SCAI: variants seen among roughly 807,000 people sequenced by gnomAD.
SCAI encodes the protein protein SCAI.
A neutral mutation model predicts 92.2 loss-of-function variants in SCAI; 24 were observed. The observed-to-expected ratio is 0.26, with a 90% confidence interval of 0.19 to 0.37. SCAI has a LOEUF of 0.37. Among genes scored for constraint, SCAI ranks in the 10% least tolerant of loss-of-function variants. The probability of loss-of-function intolerance (pLI) is 1.00; values close to 1 mark genes in which losing one functional copy is unlikely to be tolerated. For missense variants in SCAI, 450 were observed against 736.2 expected (o/e 0.61, Z 4.50); for synonymous variants, 261 against 258.6 (o/e 1.01, Z -0.09).
intron 2 of SCAI, among the ~76,000 whole-genome samples, chr9:125,073,339 C>G (rs372033788): frequency 6.0e-5 from 9 of 151,154 alleles, no homozygotes; most frequent in Non-Finnish European, 1.2e-4. Context: ...CTCCTGACCT[C>G]GTGATCCACC....
intron 2 of SCAI, among the ~76,000 whole-genome samples, chr9:125,115,372 A>AC (rs1219611615): frequency 6.9e-6 from 1 of 144,704 alleles, no homozygotes; most frequent in Non-Finnish European, 1.5e-5. Context: ...ACTCTCCTCA[A>AC]AAAAAAAAAA....
chr9:125,120,768 G>A (rs1835141703), intron 2 of SCAI, among the ~76,000 whole-genome samples: 2 of 152,114 alleles, frequency 1.3e-5, no homozygotes, highest in South Asian at 4.1e-4. Flanking sequence ...CAGCTACTCA[G>A]GAGGCTAAGG....
intron 2 of SCAI, among the ~76,000 whole-genome samples, chr9:125,107,749 C>T (rs886845303): frequency 3.3e-5 from 5 of 152,188 alleles, no homozygotes; most frequent in African/African-American, 9.7e-5. Flanking sequence ...GCCTCGGCAA[C>T]AGAGCAAGAC....
chr9:125,106,867 ATTTT>A (rs3051151), intron 2 of SCAI, among the ~76,000 whole-genome samples: 8 of 135,716 alleles, frequency 5.9e-5, no homozygotes, highest in African/African-American at 1.6e-4. Flanking sequence ...TGCCTGGTTA[ATTTT>A]TTTTTTTTTT....
At chr9:125,027,758 C>T (rs1832991849) in intron 5 of SCAI, among the ~76,000 whole-genome samples, 1 of 152,180 alleles carries the variant, frequency 6.6e-6, no homozygotes, top group Admixed American at 6.5e-5. Context: ...AGGTGATCCA[C>T]CTGCCTTGGC....
chr9:125,123,468 CTAAGAGTT>C (rs922290112), intron 2 of SCAI, among the ~76,000 whole-genome samples: 5 of 152,048 alleles, frequency 3.3e-5, no homozygotes, highest in Non-Finnish European at 7.4e-5. Flanking sequence ...GGAAATTATC[CTAAGAGTT>C]TAAAAGTCCT....
intron 9 of SCAI, among the ~76,000 whole-genome samples, chr9:125,007,742 T>A (rs1832541728): frequency 6.6e-6 from 1 of 152,054 alleles, no homozygotes; most frequent in Non-Finnish European, 1.5e-5. Flanking sequence ...ACTGCAGCCT[T>A]GACTTCCCGG....
intron 9 of SCAI, among the ~76,000 whole-genome samples, chr9:125,009,223 T>G (rs1832578155): frequency 3.3e-5 from 5 of 152,206 alleles, no homozygotes; most frequent in Admixed American, 3.3e-4. Flanking sequence ...ATATGTAGAA[T>G]AAAATTAAAG....
intron 2 of SCAI, among the ~76,000 whole-genome samples, chr9:125,122,754 A>G (rs1413025685): frequency 1.3e-5 from 2 of 151,950 alleles, no homozygotes; most frequent in African/African-American, 2.4e-5. Context: ...AAAATACAAA[A>G]AATTTTCTGG....
chr9:124,975,148 C>A, intron 15 of SCAI: 3 of 298,766 alleles, frequency 1.0e-5, no homozygotes, highest in Non-Finnish European at 2.0e-5. Flanking sequence ...AGAATTTTAC[C>A]GTTGTTTGAA....
At chr9:125,038,451 G>A (rs925560274) in intron 3 of SCAI, among the ~76,000 whole-genome samples, 7 of 152,130 alleles carry the variant, frequency 4.6e-5, no homozygotes, top group African/African-American at 1.7e-4. Flanking sequence ...CTTTTGAGCT[G>A]CTGTTTCTTG....
chr9:124,953,518 C>T (rs1831265767), intron 17 of SCAI, among the ~76,000 whole-genome samples: 1 of 152,080 alleles, frequency 6.6e-6, no homozygotes, highest in African/African-American at 2.4e-5. Flanking sequence ...CTCAGCTATT[C>T]AGGAGGCTGA....
At chr9:125,095,569 A>G (rs1240000325) in intron 2 of SCAI, among the ~76,000 whole-genome samples, 1 of 152,280 alleles carries the variant, frequency 6.6e-6, no homozygotes, top group Non-Finnish European at 1.5e-5. Flanking sequence ...CATAAGGCCA[A>G]CCATAATAAA....
chr9:125,056,005 G>A lies in SCAI; in HGVS notation c.101C>T (p.Thr34Ile), dbSNP rs1833655831. The A allele has an allele frequency of 9.4e-6, 15 of 1,600,578 alleles. No individual in the cohort carries two copies. In the East Asian group the frequency reaches 3.4e-4, roughly 36 times the overall value. ...EKPPRKRRSR[T>I]EFALKEIMSS... ...CATGATTTCTTTAAGAGCAAATTCA[G>A]TCCTGTAAGAAAACATATGTTCATT... is the stretch of plus-strand genomic sequence containing the variant. Residue 34 changes from threonine to isoleucine, a missense_variant and splice_region_variant, in exon 3 of 18, where the codon ACT becomes ATT. By Grantham distance (89) the Thr-to-Ile change is moderately conservative. Around this residue, in one of 3 missense-constraint regions of SCAI, gnomAD observed 70 missense variants for 66.3 expected, o/e 1.06. Coordinates refer to ENST00000336505, the MANE Select transcript of SCAI (RefSeq NM_001144877.3).
chr9:125,096,000 T>C (rs2131204519), intron 2 of SCAI, among the ~76,000 whole-genome samples: 1 of 152,288 alleles, frequency 6.6e-6, no homozygotes, highest in African/African-American at 2.4e-5. Flanking sequence ...GTGCTCTCAC[T>C]CCCAACAGCC....
chr9:125,096,493 C>G (rs1041484183), intron 2 of SCAI, among the ~76,000 whole-genome samples: 5 of 152,148 alleles, frequency 3.3e-5, no homozygotes, highest in East Asian at 3.8e-4. Context: ...TTCTTTGGTC[C>G]CTGGCAGTGA....
At chr9:125,143,336 C>G (rs1835715676) in intron 1 of SCAI, 49 bp downstream of exon 1, 1 of 1,174,570 alleles carries the variant, frequency 8.5e-7, no homozygotes, top group East Asian at 3.2e-5. Context: ...GGGCCCGCTC[C>G]CTGGCCCCCA....
intron 2 of SCAI, among the ~76,000 whole-genome samples, chr9:125,067,068 G>A (rs1049473971): frequency 4.6e-5 from 7 of 152,062 alleles, no homozygotes; most frequent in African/African-American, 9.7e-5. Flanking sequence ...TAAGCAACAC[G>A]ACTGTATATA....
chr9:125,114,394 T>C (rs1834994275), intron 2 of SCAI, among the ~76,000 whole-genome samples: 1 of 151,996 alleles, frequency 6.6e-6, no homozygotes, highest in African/African-American at 2.4e-5. Flanking sequence ...GAAATAAAGT[T>C]TTTTCCTTAA....
Sources: gnomAD v4.1 joint callset for allele counts (sites outside exome capture counted in the v4.1 genomes callset) on GRCh38, gnomAD v4.1.1 for gene constraint, gnomAD v4.1.1 regional missense constraint, MANE v1.5 for transcripts, NCBI Gene and HGNC (gene_info 2026-07-23, HGNC 2026-07-21) for gene names.